The following MICAL2 variants were observed in gnomAD, a reference collection of about 807,000 sequenced individuals.
MICAL2 encodes the protein [F-actin]-monooxygenase MICAL2.
Under a neutral mutation model 127.3 loss-of-function variants are expected in MICAL2, and 77 were observed. The ratio of observed to expected loss-of-function variants is 0.60; its 90% confidence interval spans 0.50 to 0.73. MICAL2 has a LOEUF of 0.73. Ranked by LOEUF, MICAL2 falls within the 30% of genes least tolerant of loss-of-function variation. The pLI, the probability that MICAL2 is intolerant of heterozygous loss-of-function variation, is 0.00. For synonymous variants in MICAL2, 570 were observed against 551.1 expected (o/e 1.03, Z -0.48); for missense variants, 1,351 against 1,434.4 (o/e 0.94, Z 0.94).
chr11:12,339,582 C>T (rs928215357), intron 32 of MICAL2, among the ~76,000 whole-genome samples: 1 of 152,148 alleles, frequency 6.6e-6, no homozygotes, highest in South Asian at 2.1e-4. Context: ...GTGGTTTTAT[C>T]TACCTTTGGT....
At chr11:12,282,264 T>A (rs1383877321) in intron 2 of MICAL2, among the ~76,000 whole-genome samples, 1 of 152,182 alleles carries the variant, frequency 6.6e-6, no homozygotes, top group Non-Finnish European at 1.5e-5. Context: ...TTTGTGGGGC[T>A]GTGCAGAAAG....
intron 2 of MICAL2, among the ~76,000 whole-genome samples, chr11:12,154,036 T>G (rs374682689): frequency 2.0e-5 from 3 of 152,276 alleles, no homozygotes; most frequent in African/African-American, 7.2e-5. Flanking sequence ...AGATTTGGGT[T>G]GGAGGCAATG....
At chr11:12,208,310 G>C in intron 5 of MICAL2, 171 bp downstream of exon 5, 1 of 563,870 alleles carries the variant, frequency 1.8e-6, no homozygotes, top group Non-Finnish European at 3.1e-6. Context: ...TATGACTTTA[G>C]GTTTGCTGTT....
chr11:12,130,933 C>T (rs1259976217), intron 1 of MICAL2, among the ~76,000 whole-genome samples: 2 of 152,190 alleles, frequency 1.3e-5, no homozygotes, highest in African/African-American at 4.8e-5. Context: ...TGCTTCTCAG[C>T]TCCCTCTGTG....
intron 2 of MICAL2, among the ~76,000 whole-genome samples, chr11:12,281,874 C>G (rs181623353): frequency 5.9e-5 from 9 of 152,282 alleles, no homozygotes; most frequent in Admixed American, 5.2e-4. Flanking sequence ...TGTTTTGATT[C>G]AGTCAACAAT....
At chr11:12,205,536 G>A (rs945959075) in intron 4 of MICAL2, among the ~76,000 whole-genome samples, 3 of 152,200 alleles carry the variant, frequency 2.0e-5, no homozygotes, top group African/African-American at 7.2e-5. Context: ...AGGGATGATT[G>A]TATAGCAATA....
intron 16 of MICAL2, 74 bp from the exon 17 acceptor site, chr11:12,239,362 T>C (rs1423283495): frequency 2.5e-6 from 4 of 1,600,640 alleles, no homozygotes; most frequent in Non-Finnish European, 3.4e-6. Flanking sequence ...TCCCACGTCC[T>C]GAGTCCCCAA....
At chr11:12,308,337 TTG>T (rs1295992903) in intron 29 of MICAL2, 4 of 152,238 alleles carry the variant, frequency 2.6e-5, no homozygotes, top group African/African-American at 9.6e-5. Flanking sequence ...GGAATTTTGC[TTG>T]TTATCTATAG....
chr11:12,291,856 G>T (rs950443617), downstream of MICAL2, among the ~76,000 whole-genome samples: 1 of 152,174 alleles, frequency 6.6e-6, no homozygotes, highest in Non-Finnish European at 1.5e-5. Flanking sequence ...TCTAAGAAAT[G>T]TTCTGGAAAT....
At chr11:12,359,561 C>G (rs1426268342), downstream of MICAL2, among the ~76,000 whole-genome samples, 5 of 152,130 alleles carry the variant, frequency 3.3e-5, no homozygotes. Flanking sequence ...TGCAGTGACC[C>G]TATTTACCAA....
chr11:12,302,614 C>T (rs1395184253), intron 29 of MICAL2, among the ~76,000 whole-genome samples: 1 of 152,082 alleles, frequency 6.6e-6, no homozygotes, highest in East Asian at 1.9e-4. Flanking sequence ...GTTGTCTTCT[C>T]CTACTCTTTT....
chr11:12,155,046 G>T (rs535184332), intron 2 of MICAL2, among the ~76,000 whole-genome samples: 1 of 152,132 alleles, frequency 6.6e-6, no homozygotes. Flanking sequence ...GATGGTAAAG[G>T]CCTGGTACAC....
intron 33 of MICAL2, among the ~76,000 whole-genome samples, chr11:12,354,349 G>T (rs988901347): frequency 4.6e-5 from 7 of 152,146 alleles, no homozygotes; most frequent in Admixed American, 3.3e-4. Flanking sequence ...GCAGATGCCT[G>T]TAATCCCAGC....
intron 1 of MICAL2, among the ~76,000 whole-genome samples, chr11:12,118,137 C>T (rs891342355): frequency 3.3e-5 from 5 of 152,134 alleles, no homozygotes; most frequent in African/African-American, 7.2e-5. Context: ...CTTGCTTGGG[C>T]GTGTTGGTTA....
intron 7 of MICAL2, among the ~76,000 whole-genome samples, chr11:12,214,953 G>A (rs1266487308): frequency 6.6e-6 from 1 of 152,164 alleles, no homozygotes; most frequent in East Asian, 1.9e-4. Flanking sequence ...GGCATTAGTT[G>A]TTGAGCAAGA....
chr11:12,114,893 G>A (rs1849884608), intron 1 of MICAL2, among the ~76,000 whole-genome samples: 1 of 152,158 alleles, frequency 6.6e-6, no homozygotes, highest in South Asian at 2.1e-4. Flanking sequence ...TCAGCAACCG[G>A]CCTCCACAGG....
chr11:12,294,324 A>G (rs1466560501), downstream of MICAL2: 1 of 1,614,090 alleles, frequency 6.2e-7, no homozygotes, highest in Non-Finnish European at 8.5e-7. Context: ...TGGGCCAAGC[A>G]AGAATCCAAA....
chr11:12,357,204 C>T (rs1405108704), intron 34 of MICAL2, among the ~76,000 whole-genome samples: 1 of 152,210 alleles, frequency 6.6e-6, no homozygotes, highest in Non-Finnish European at 1.5e-5. Flanking sequence ...GCTCCCCACC[C>T]AGTCCTCCGT....
Position 12,124,603 on chromosome 11 carries a change from T to A in MICAL2, c.-148-13787T>A, listed in dbSNP as rs1850764243. On this transcript the variant is annotated intron_variant, in intron 1 of 27. Coordinates refer to ENST00000683283, the MANE Select transcript of MICAL2 (RefSeq NM_001282663.2). ...CGTTTTCCGTGCTCTGGGAGGTCAC[T>A]TTCCCGGGCTAGGGGACTTGAAGTC... 2.6e-5 allele frequency among the ~76,000 whole-genome samples: 4 copies of A among 152,336 alleles called. No individual in the cohort carries two copies. In the South Asian group the frequency reaches 8.3e-4, roughly 32 times the overall value.
Sources: gnomAD v4.1 joint callset for allele counts (sites outside exome capture counted in the v4.1 genomes callset) on GRCh38, gnomAD v4.1.1 for gene constraint, MANE v1.5 for transcripts, NCBI Gene and HGNC (gene_info 2026-07-23, HGNC 2026-07-21) for gene names.